The following MYRIP variants were observed in gnomAD, a reference collection of about 807,000 sequenced individuals.
MYRIP encodes rab effector MyRIP.
MYRIP carries 49 observed loss-of-function variants against 98.0 expected under a neutral mutation model. The ratio of observed to expected loss-of-function variants is 0.50; its 90% CI spans 0.40 to 0.63. The LOEUF (loss-of-function observed/expected upper bound fraction) is 0.63, where lower values mean the gene tolerates loss of function less well. Among genes scored for constraint, MYRIP ranks in the 30% least tolerant of loss-of-function variants. MYRIP has a pLI of 0.00. For missense variants in MYRIP, 1,004 were observed against 1,058.2 expected (o/e 0.95, Z 0.71); for synonymous variants, 404 against 409.5 (o/e 0.99, Z 0.16).
chr3:40,099,952 C>T (rs760902655), intron 3 of MYRIP: 12 of 973,282 alleles, frequency 1.2e-5, no homozygotes, highest in East Asian at 1.1e-4. Context: ...GGATTTTTCT[C>T]GGCATTGGTT....
At chr3:40,042,931 A>G (rs1947574422) in intron 2 of MYRIP, among the ~76,000 whole-genome samples, 1 of 152,204 alleles carries the variant, frequency 6.6e-6, no homozygotes, top group African/African-American at 2.4e-5. Flanking sequence ...ATCTGACAAC[A>G]TAGTAAAACA....
chr3:39,974,428 A>C (rs986395706), intron 2 of MYRIP, among the ~76,000 whole-genome samples: 1 of 152,244 alleles, frequency 6.6e-6, no homozygotes, highest in Non-Finnish European at 1.5e-5. Flanking sequence ...CAACCAAAAA[A>C]AGTCCAGGAC....
In MYRIP at chr3:39,924,822, A is replaced by G. The variant is rs1019081489; in HGVS notation, c.110+23896A>G. ...ACAGAAAAATAAACAGGAAAAATCTACAAACACACTGAAACTAAATAGCAC... is the reference window on the plus strand; with the variant it reads ...ACAGAAAAATAAACAGGAAAAATCTGCAAACACACTGAAACTAAATAGCAC... On this transcript the variant is annotated intron_variant, in intron 2 of 16. Coordinates refer to ENST00000302541, the MANE Select transcript of MYRIP (RefSeq NM_015460.4). Among the ~76,000 whole-genome samples, 7 of 152,198 alleles carry G rather than the reference A, an allele frequency of 4.6e-5. 1 individual carries two copies. The Middle Eastern group carries it at 0.01, about 222-fold the overall frequency.
intron 3 of MYRIP, among the ~76,000 whole-genome samples, chr3:40,084,662 A>G (rs1048875865): frequency 6.7e-6 from 1 of 149,996 alleles, no homozygotes; most frequent in African/African-American, 2.4e-5. Context: ...ACATCTATGT[A>G]TTACATATCG....
chr3:39,897,026 C>G lies in MYRIP; in HGVS notation c.-30-3761C>G, dbSNP rs1475277566. ...ATCATCAGCTTCTTCTGAAGCTCAT[C>G]TAACTCTGTTGCTTCTTATGATAAT... On this transcript the variant is annotated intron_variant, in intron 1 of 16. Coordinates refer to ENST00000302541, the MANE Select transcript of MYRIP (RefSeq NM_015460.4). 3.9e-5 allele frequency among the ~76,000 whole-genome samples: 6 copies of G among 152,198 alleles called. No homozygotes were observed. In the East Asian group the frequency reaches 1.2e-3, roughly 29 times the overall value.
intron 3 of MYRIP, among the ~76,000 whole-genome samples, chr3:40,134,128 T>G (rs1477023693): frequency 6.6e-6 from 1 of 152,156 alleles, no homozygotes; most frequent in Non-Finnish European, 1.5e-5. Context: ...GGAATTCCCT[T>G]TCCGAGTCAA....
At chr3:40,084,347 TTATA>T (rs1948559014) in intron 3 of MYRIP, among the ~76,000 whole-genome samples, 1 of 148,908 alleles carries the variant, frequency 6.7e-6, no homozygotes, top group African/African-American at 2.5e-5. Context: ...CATCTATGTA[TTATA>T]TATCGATAGA....
chr3:39,993,600 T>A (rs1175420108), intron 2 of MYRIP, among the ~76,000 whole-genome samples: 1 of 152,200 alleles, frequency 6.6e-6, no homozygotes, highest in Non-Finnish European at 1.5e-5. Context: ...ATGCCTTCTC[T>A]CTCCTCAATC....
chr3:39,980,226 G>A (rs752509819), intron 2 of MYRIP, among the ~76,000 whole-genome samples: 66 of 152,300 alleles, frequency 4.3e-4, no homozygotes, highest in Non-Finnish European at 7.6e-4. Flanking sequence ...TGGAGCTTCC[G>A]CCTGACCCCA....
intron 1 of MYRIP, among the ~76,000 whole-genome samples, chr3:39,884,810 T>TA (rs1553642225): frequency 2.0e-5 from 2 of 98,668 alleles, no homozygotes; most frequent in Non-Finnish European, 4.5e-5. Flanking sequence ...GTCATTATTA[T>TA]TTTTTTTTTT....
At position 39,890,521 on chromosome 3, in the gene MYRIP, T is replaced by C. The variant is rs753239880; in HGVS notation, c.-30-10266T>C. Among the ~76,000 whole-genome samples, 16 of 152,198 alleles carry C rather than the reference T, an allele frequency of 1.1e-4. No homozygotes were observed. In the Middle Eastern group the frequency reaches 0.01, roughly 97 times the overall value. On this transcript the variant is annotated intron_variant, in intron 1 of 16. Transcript: ENST00000302541. The stretch of plus-strand genomic sequence containing the variant: ...GCTTATTTTTTAAAAACTTAATATT[T>C]TTGTATAGTTTCTGAGTTCTTATTT...
At chr3:39,815,421 G>GTA (rs754954599) in intron 1 of MYRIP, among the ~76,000 whole-genome samples, 1,527 of 151,782 alleles carry the variant, frequency 0.01, 23 homozygotes, top group African/African-American at 0.033. Flanking sequence ...GTGTATGTAT[G>GTA]TATATATATA....
At chr3:40,161,511 G>C (rs1950394987) in intron 4 of MYRIP, among the ~76,000 whole-genome samples, 1 of 152,140 alleles carries the variant, frequency 6.6e-6, no homozygotes, top group Non-Finnish European at 1.5e-5. Flanking sequence ...AGGGAGCACT[G>C]TCTCCCTTCT....
chr3:39,930,405 T>C (rs542048527), intron 2 of MYRIP, among the ~76,000 whole-genome samples: 26 of 152,120 alleles, frequency 1.7e-4, no homozygotes, highest in Non-Finnish European at 2.9e-4. Flanking sequence ...GTCTTTTTAT[T>C]ACTAAGTTGT....
At chr3:39,873,598 C>T (rs1178108086) in intron 1 of MYRIP, among the ~76,000 whole-genome samples, 1 of 152,204 alleles carries the variant, frequency 6.6e-6, no homozygotes, top group Non-Finnish European at 1.5e-5. Context: ...AATAGGGAAT[C>T]TTTTCCCCAT....
chr3:40,157,972 G>C (rs1446029214), intron 4 of MYRIP, among the ~76,000 whole-genome samples: 3 of 152,044 alleles, frequency 2.0e-5, no homozygotes, highest in South Asian at 2.1e-4. Context: ...ATTTTTTGAA[G>C]GGTTTTTTGT....
At chr3:40,187,636 T>C (rs1951074338) in intron 9 of MYRIP, among the ~76,000 whole-genome samples, 1 of 152,220 alleles carries the variant, frequency 6.6e-6, no homozygotes, top group Non-Finnish European at 1.5e-5. Flanking sequence ...ACCACTGGTC[T>C]TTCCACTGCA....
intron 2 of MYRIP, among the ~76,000 whole-genome samples, chr3:39,954,986 A>G (rs1371733014): frequency 6.6e-6 from 1 of 152,182 alleles, no homozygotes; most frequent in Non-Finnish European, 1.5e-5. Context: ...AAAAGAGAGA[A>G]AAGAAACGAA....
At chr3:39,878,054 C>G (rs1017495046) in intron 1 of MYRIP, among the ~76,000 whole-genome samples, 1 of 152,184 alleles carries the variant, frequency 6.6e-6, no homozygotes, top group Admixed American at 6.5e-5. Flanking sequence ...CAATGGCAGG[C>G]GCCCCTCCCC....
Sources: allele counts gnomAD v4.1 joint callset (sites outside exome capture counted in the v4.1 genomes callset), GRCh38; gene constraint gnomAD v4.1.1; transcripts MANE v1.5; gene names NCBI Gene and HGNC (gene_info 2026-07-23, HGNC 2026-07-21).